UHRF2: variants seen among roughly 807,000 people sequenced by gnomAD.
UHRF2 encodes E3 ubiquitin-protein ligase UHRF2.
UHRF2 carries 23 observed loss-of-function variants against 96.8 expected under a neutral mutation model. The observed-to-expected ratio is 0.24, with a 90% CI of 0.17 to 0.34. The LOEUF is 0.34. UHRF2 is among the 10% of genes least tolerant of loss of function. UHRF2 has a pLI of 1.00. For synonymous variants in UHRF2, 385 were observed against 332.6 expected, an observed-to-expected ratio of 1.16 and a Z score of -1.72; for missense variants, 685 against 981.5, an observed-to-expected ratio of 0.70 and a Z score of 4.04.
At chr9:6,495,482 A>G (rs1317897161) in intron 10 of UHRF2, 2 of 152,222 alleles carry the variant, frequency 1.3e-5, no homozygotes, top group South Asian at 2.1e-4. Context: ...GACCCATAGT[A>G]TACTCTTTGC....
At chr9:6,465,886 C>T (rs964450445) in intron 4 of UHRF2, among the ~76,000 whole-genome samples, 3 of 151,998 alleles carry the variant, frequency 2.0e-5, no homozygotes, top group Non-Finnish European at 4.4e-5. Flanking sequence ...CTGTCTAATT[C>T]TAGTTATCAA....
intron 3 of UHRF2, among the ~76,000 whole-genome samples, chr9:6,452,884 A>G (rs556972400): frequency 1.4e-4 from 22 of 152,288 alleles, no homozygotes; most frequent in African/African-American, 5.3e-4. Flanking sequence ...TGTATATTTT[A>G]AAATATGTGT....
intron 6 of UHRF2, among the ~76,000 whole-genome samples, chr9:6,478,834 T>G (rs1266242602): frequency 6.6e-6 from 1 of 152,200 alleles, no homozygotes; most frequent in African/African-American, 2.4e-5. Flanking sequence ...AGGATATATC[T>G]TCTTCCTTTT....
chr9:6,482,711 C>G (rs1442692326), intron 8 of UHRF2, among the ~76,000 whole-genome samples: 1 of 151,908 alleles, frequency 6.6e-6, no homozygotes, highest in African/African-American at 2.4e-5. Flanking sequence ...ATTCTCCTGC[C>G]TCAGCCTCCA....
intron 13 of UHRF2, 63 bp downstream of exon 13, chr9:6,499,994 C>T (rs1929929): frequency 0.13 from 162,940 of 1,299,448 alleles, 11,634 homozygotes; most frequent in East Asian, 0.3. Context: ...GTTGTTGAGA[C>T]GGGGTCTCAC....
At chr9:6,413,713 G>A in intron 1 of UHRF2, 70 bp downstream of exon 1, 3 of 1,376,304 alleles carry the variant, frequency 2.2e-6, no homozygotes, top group Admixed American at 3.4e-5. Context: ...GGACGCACCG[G>A]TCCGAGGGCT....
intron 3 of UHRF2, among the ~76,000 whole-genome samples, chr9:6,453,731 C>T (rs1223691756): frequency 3.9e-5 from 6 of 151,956 alleles, no homozygotes; most frequent in African/African-American, 1.2e-4. Context: ...GGTGAAACCC[C>T]GTCTCTACTA....
intron 2 of UHRF2, among the ~76,000 whole-genome samples, chr9:6,426,751 T>C (rs751802241): frequency 3.3e-5 from 5 of 152,162 alleles, no homozygotes; most frequent in Non-Finnish European, 7.3e-5. Context: ...GCTTTATTTT[T>C]ATTTTATTTT....
intron 4 of UHRF2, among the ~76,000 whole-genome samples, chr9:6,467,690 A>T (rs1822961771): frequency 6.8e-6 from 1 of 146,620 alleles, no homozygotes; most frequent in Non-Finnish European, 1.5e-5. Context: ...GAATTCTTTC[A>T]AAGATTTGAA....
At chr9:6,427,348 C>G (rs1406320784) in intron 2 of UHRF2, among the ~76,000 whole-genome samples, 3 of 152,086 alleles carry the variant, frequency 2.0e-5, no homozygotes, top group Non-Finnish European at 2.9e-5. Context: ...TTCAAATTAA[C>G]TTTATTCAAA....
At chr9:6,479,770 T>C (rs1019264256) in intron 6 of UHRF2, among the ~76,000 whole-genome samples, 3 of 152,174 alleles carry the variant, frequency 2.0e-5, no homozygotes, top group Non-Finnish European at 2.9e-5. Context: ...GCCAAAAAGC[T>C]AAACTTCATC....
At chr9:6,445,458 A>G (rs538225263) in intron 3 of UHRF2, among the ~76,000 whole-genome samples, 1 of 152,088 alleles carries the variant, frequency 6.6e-6, no homozygotes, top group Non-Finnish European at 1.5e-5. Context: ...ATGGGATCTC[A>G]CCATGTTGGC....
At chr9:6,472,603 A>C (rs1336978403) in intron 4 of UHRF2, among the ~76,000 whole-genome samples, 1 of 152,256 alleles carries the variant, frequency 6.6e-6, no homozygotes, top group African/African-American at 2.4e-5. Flanking sequence ...AGTTGCGCTA[A>C]ACATTTAAAA....
intron 3 of UHRF2, among the ~76,000 whole-genome samples, chr9:6,442,108 G>C (rs1234065455): frequency 1.3e-5 from 2 of 152,148 alleles, no homozygotes; most frequent in Non-Finnish European, 2.9e-5. Flanking sequence ...GAGATTACAG[G>C]TGCCTGGCAC....
intron 3 of UHRF2, among the ~76,000 whole-genome samples, chr9:6,451,466 G>GTTTTTTTTT (rs34757017): frequency 7.1e-6 from 1 of 141,816 alleles, no homozygotes; most frequent in African/African-American, 2.6e-5. Flanking sequence ...GTTTTTTTTT[G>GTTTTTTTTT]TTTTTTTTTT....
chr9:6,479,624 C>G (rs898451057), intron 6 of UHRF2, among the ~76,000 whole-genome samples: 1 of 152,102 alleles, frequency 6.6e-6, no homozygotes, highest in Admixed American at 6.5e-5. Context: ...CTTTATATTC[C>G]TGTATGCAGT....
intron 3 of UHRF2, among the ~76,000 whole-genome samples, chr9:6,436,677 T>G (rs73401679): frequency 6.6e-6 from 1 of 152,004 alleles, no homozygotes; most frequent in African/African-American, 2.4e-5. Flanking sequence ...AAAGTTGCTT[T>G]TGAAGTAAGA....
intron 4 of UHRF2, among the ~76,000 whole-genome samples, chr9:6,462,528 A>G (rs1822607582): frequency 6.6e-6 from 1 of 152,218 alleles, no homozygotes; most frequent in Non-Finnish European, 1.5e-5. Context: ...CTATGTTAGG[A>G]GCCTTTTAAC....
intron 4 of UHRF2, among the ~76,000 whole-genome samples, chr9:6,461,153 CTACT>C (rs1822511614): frequency 6.6e-6 from 1 of 152,106 alleles, no homozygotes; most frequent in Non-Finnish European, 1.5e-5. Context: ...CAGTGGATGA[CTACT>C]TAACCAGCTG....
Sources: gnomAD v4.1 joint callset for allele counts (sites outside exome capture counted in the v4.1 genomes callset) on GRCh38, gnomAD v4.1.1 for gene constraint, MANE v1.5 for transcripts, NCBI Gene and HGNC (gene_info 2026-07-23, HGNC 2026-07-21) for gene names.